The following MCM9 variants were observed in gnomAD, a reference collection of about 807,000 sequenced individuals.
The protein encoded by MCM9 is minichromosome maintenance 9 homologous recombination repair factor.
In MCM9, 55 loss-of-function variants were observed where a neutral mutation model predicts 72.8. The observed-to-expected ratio is 0.76, with a 90% CI of 0.61 to 0.95. The LOEUF (loss-of-function observed/expected upper bound fraction) is 0.95, where lower values mean the gene tolerates loss of function less well. MCM9 is among the 40% of genes least tolerant of loss of function. The probability of loss-of-function intolerance (pLI) is 0.00; values close to 1 mark genes in which losing one functional copy is unlikely to be tolerated. For missense variants in MCM9, 1,279 were observed against 1,377.0 expected, an observed-to-expected ratio of 0.93 and a Z score of 1.13; for synonymous variants, 480 against 503.4, an observed-to-expected ratio of 0.95 and a Z score of 0.62.
At chr6:118,901,710 G>A (rs1779807946) in intron 8 of MCM9, among the ~76,000 whole-genome samples, 1 of 152,200 alleles carries the variant, frequency 6.6e-6, no homozygotes, top group Non-Finnish European at 1.5e-5. Context: ...AGACCAAAGA[G>A]TAACTAGCCA....
rs989945094 is a variant in MCM9, at chr6:118,826,377, G to A, written c.1816-85C>T. 2.1e-6 allele frequency: 3 copies of A among 1,404,106 alleles called. No individual in the cohort carries two copies. The African/African-American group carries it at 4.3e-5, about 20-fold the overall frequency. 87.0% of individuals were successfully genotyped at this position (1,404,106 alleles called of 1,614,324 possible). On this transcript the variant is annotated intron_variant, in intron 12 of 13. Coordinates refer to ENST00000619706, the MANE Select transcript of MCM9 (RefSeq NM_017696.3). ...ACTCTAGGGACCAGCAATCCCCGGG[G>A]GCTAAGACCGCCGTTTACACCCCTA...
At chr6:118,914,014 C>T (rs1173753774) in intron 6 of MCM9, among the ~76,000 whole-genome samples, 6 of 152,146 alleles carry the variant, frequency 3.9e-5, no homozygotes, top group Non-Finnish European at 5.9e-5. Context: ...AGTCAGTAAT[C>T]TTTAAATACA....
At position 118,930,271 on chromosome 6, in the gene MCM9, C is replaced by T. The variant is rs1036116458; in HGVS notation, c.304+1149G>A. Among the ~76,000 whole-genome samples the T allele has an allele frequency of 8.5e-5, 13 of 152,078 alleles. No individual in the cohort carries two copies. In the South Asian group the frequency reaches 1.7e-3, roughly 19 times the overall value. On this transcript the variant is annotated intron_variant, in intron 3 of 13. Coordinates refer to ENST00000619706, the MANE Select transcript of MCM9 (RefSeq NM_017696.3). ...GACTACAGGCGCCCGCCACCATGCC[C>T]GGCTAATTTTTTTTGTATTTTTTGT... is the stretch of plus-strand genomic sequence containing the variant.
At chr6:118,833,553 G>C (rs1156547639) in intron 9 of MCM9, among the ~76,000 whole-genome samples, 1 of 152,124 alleles carries the variant, frequency 6.6e-6, no homozygotes, top group African/African-American at 2.4e-5. Context: ...TAAAGGAATG[G>C]ATAAGGAAAA....
At position 118,917,701 on chromosome 6, in the gene MCM9, A is replaced by C. The variant is rs542793445; in HGVS notation, c.764T>G (p.Val255Gly). 1 of 1,614,134 alleles carries C rather than the reference A, an allele frequency of 6.2e-7. No individual in the cohort carries two copies. Among genetic ancestry groups the C allele is most frequent in the Non-Finnish European group, 8.5e-7 (1 of 1,180,018 alleles). ...MQRWKPFQQD[V>G]RCEVEIVLKA... ...CAGGACTATCTCCACTTCACAGCGC[A>C]CATCTTGCTGAAAGGGCTTCCACCG... The change falls in exon 6 of 14, where the codon GTG becomes GGG. Residue 255 changes from valine (V) to glycine (G), a missense_variant. Transcript: ENST00000619706.
intron 8 of MCM9, among the ~76,000 whole-genome samples, chr6:118,871,684 A>T (rs550484895): frequency 1.3e-5 from 2 of 152,184 alleles, no homozygotes; most frequent in African/African-American, 4.8e-5. Flanking sequence ...TGGGAGGCCA[A>T]GGCGGGCAGA....
chr6:118,884,808 A>C (rs1241086286), intron 8 of MCM9, among the ~76,000 whole-genome samples: 1 of 152,248 alleles, frequency 6.6e-6, no homozygotes, highest in East Asian at 1.9e-4. Flanking sequence ...AAATTTAAAA[A>C]ATTATTAGCA....
At chr6:118,840,590 C>CA (rs1164884149) in intron 9 of MCM9, among the ~76,000 whole-genome samples, 2 of 152,164 alleles carry the variant, frequency 1.3e-5, no homozygotes, top group Non-Finnish European at 2.9e-5. Flanking sequence ...TCTATATTGA[C>CA]AGGCCTTGAT....
intron 13 of MCM9, among the ~76,000 whole-genome samples, chr6:118,824,042 T>C (rs1773999952): frequency 8.6e-5 from 1 of 11,608 alleles, no homozygotes; most frequent in African/African-American, 5.2e-4. Flanking sequence ...CACCTTTTTT[T>C]TTTTTTTTTT....
At chr6:118,930,525 T>C (rs749419509) in intron 3 of MCM9, among the ~76,000 whole-genome samples, 11 of 152,220 alleles carry the variant, frequency 7.2e-5, no homozygotes, top group African/African-American at 1.2e-4. Flanking sequence ...TTCATGTAAA[T>C]AGAATTAATT....
At chr6:118,918,166 A>G (rs960893569) in intron 5 of MCM9, 3 of 168,484 alleles carry the variant, frequency 1.8e-5, no homozygotes, top group Admixed American at 5.9e-5. Flanking sequence ...AGAAGGTTAA[A>G]CTATAATTTG....
chr6:118,919,553 C>T (rs1177866692), intron 5 of MCM9: 1 of 152,058 alleles, frequency 6.6e-6, no homozygotes, highest in Non-Finnish European at 1.5e-5. Flanking sequence ...TTTAAAAGCC[C>T]TTCAATATAT....
intron 9 of MCM9, among the ~76,000 whole-genome samples, chr6:118,840,146 T>A (rs1301996520): frequency 2.0e-5 from 3 of 149,326 alleles, no homozygotes; most frequent in African/African-American, 7.4e-5. Context: ...ACTACTGAAC[T>A]GTAGATGGTA....
intron 8 of MCM9, chr6:118,893,911 G>T (rs1779131506): frequency 7.5e-6 from 4 of 536,408 alleles, no homozygotes; most frequent in Non-Finnish European, 9.3e-6. Flanking sequence ...GGCGTCGGCC[G>T]GATCGCGCCC....
chr6:118,870,379 A>G (rs931442529), intron 8 of MCM9, among the ~76,000 whole-genome samples: 2 of 151,932 alleles, frequency 1.3e-5, no homozygotes, highest in African/African-American at 2.4e-5. Context: ...AAATTAAGCA[A>G]TATGCTTCTG....
intron 8 of MCM9, among the ~76,000 whole-genome samples, chr6:118,882,973 A>C (rs189845174): frequency 6.6e-6 from 1 of 152,168 alleles, no homozygotes; most frequent in African/African-American, 2.4e-5. Context: ...CACAGGGAGA[A>C]AAAGCAGACA....
chr6:118,909,664 C>T (rs139771871), intron 8 of MCM9, among the ~76,000 whole-genome samples: 66 of 152,280 alleles, frequency 4.3e-4, no homozygotes, highest in African/African-American at 1.5e-3. Flanking sequence ...TTCCAGAGGT[C>T]TGAAGAAGTA....
chr6:118,835,327 A>T (rs1383396015), intron 9 of MCM9, among the ~76,000 whole-genome samples: 3 of 152,172 alleles, frequency 2.0e-5, no homozygotes, highest in Non-Finnish European at 4.4e-5. Context: ...TGTCTTGTCT[A>T]TATGGGCTCT....
chr6:118,824,139 C>T (rs1329849894), intron 13 of MCM9, among the ~76,000 whole-genome samples: 2 of 145,332 alleles, frequency 1.4e-5, no homozygotes, highest in Non-Finnish European at 3.0e-5. Context: ...GAAACCTCTG[C>T]CCCCCGGGGC....
Sources: gnomAD v4.1 joint callset for allele counts (sites outside exome capture counted in the v4.1 genomes callset) on GRCh38, gnomAD v4.1.1 for gene constraint, MANE v1.5 for transcripts, NCBI Gene and HGNC (gene_info 2026-07-23, HGNC 2026-07-21) for gene names.